The following TARS1 variants were observed in gnomAD, a reference collection of about 807,000 sequenced individuals.
TARS1 encodes threonyl-tRNA synthetase 1.
A neutral mutation model predicts 97.7 loss-of-function variants in TARS1; 57 were observed. That is an observed-to-expected ratio of 0.58 (90% CI 0.47 to 0.73). The LOEUF (loss-of-function observed/expected upper bound fraction) is 0.73. Among genes scored for constraint, TARS1 ranks in the 30% least tolerant of loss-of-function variants. The probability of loss-of-function intolerance (pLI) is 0.00; values close to 1 mark genes in which losing one functional copy is unlikely to be tolerated. For missense variants in TARS1, 806 were observed against 888.3 expected, an observed-to-expected ratio of 0.91 and a Z score of 1.18; for synonymous variants, 312 against 293.7, an observed-to-expected ratio of 1.06 and a Z score of -0.64.
chr5:33,448,867 T>C (rs1029505089), intron 3 of TARS1, 136 bp downstream of exon 3: 2 of 675,982 alleles, frequency 3.0e-6, no homozygotes, highest in Non-Finnish European at 2.2e-6. Flanking sequence ...TTTTGCCTAC[T>C]TGAGATTTTT....
At chr5:33,447,195 C>T (rs901028870) in intron 2 of TARS1, among the ~76,000 whole-genome samples, 1 of 152,068 alleles carries the variant, frequency 6.6e-6, no homozygotes, top group African/African-American at 2.4e-5. Flanking sequence ...ACTGGGCAGA[C>T]AATTAATCTT....
chr5:33,453,244 G>A (rs1225489987), intron 3 of TARS1, 45 bp from the exon 4 acceptor site: 1 of 1,496,982 alleles, frequency 6.7e-7, no homozygotes, highest in Admixed American at 2.4e-5. Context: ...AGATTCGTGT[G>A]TACTTATATA....
At chr5:33,449,445 C>CTTTTTTTTTTTTTTTTTTT (rs57691465) in intron 3 of TARS1, among the ~76,000 whole-genome samples, 1 of 69,146 alleles carries the variant, frequency 1.4e-5, no homozygotes, top group African/African-American at 5.8e-5. Flanking sequence ...TTTTTTCTTT[C>CTTTTTTTTTTTTTTTTTTT]TTTTTTTTTT....
chr5:33,455,133 G>T, intron 5 of TARS1, 67 bp downstream of exon 5: 1 of 1,582,908 alleles, frequency 6.3e-7, no homozygotes. Context: ...ATTCTTAAGA[G>T]TTCTCAGTAA....
intron 8 of TARS1, 61 bp downstream of exon 8, chr5:33,456,288 C>T: frequency 7.7e-7 from 1 of 1,303,938 alleles, no homozygotes. Flanking sequence ...TATGTTTAAA[C>T]TTTCACTGAT....
intron 3 of TARS1, 117 bp from the exon 4 acceptor site, chr5:33,453,172 A>G (rs1741828729): frequency 1.7e-6 from 2 of 1,204,504 alleles, no homozygotes; most frequent in South Asian, 2.5e-5. Context: ...AAAAATAGAG[A>G]TACATCAATA....
Position 33,459,730 on chromosome 5 carries a change from C to T in TARS1, c.1119C>T (p.Val373=), listed in dbSNP as rs1356279436. 1 of 1,614,136 alleles carries T rather than the reference C, an allele frequency of 6.2e-7. No individual in the cohort carries two copies. The highest frequency in any genetic ancestry group is 1.3e-5 in the African/African-American group (1 of 75,020). ...GGAAAAGAGGATTCCAGGAGGTAGTCACCCCAAACATCTTCAACAGCCGAC... is the reference window on the plus strand; with the variant it reads ...GGAAAAGAGGATTCCAGGAGGTAGTTACCCCAAACATCTTCAACAGCCGAC... ...EYRKRGFQEV[V]TPNIFNSRLW... is the part of the protein sequence containing the mutation. The change falls in exon 11 of 19, where the codon GTC becomes GTT. Residue 373 remains valine (V), a synonymous_variant. Coordinates refer to ENST00000265112, the MANE Select transcript of TARS1 (RefSeq NM_152295.5).
In TARS1 at chr5:33,467,958, C is replaced by T. The variant is rs1742625221; in HGVS notation, c.*250C>T. 5.5e-6 allele frequency: 2 copies of T among 360,784 alleles called. No homozygotes were observed. The highest frequency in any genetic ancestry group is 4.6e-5 in the Admixed American group (1 of 21,694). 22.3% of individuals were successfully genotyped at this position (360,784 alleles called of 1,614,324 possible). On this transcript the variant is annotated 3_prime_UTR_variant, in exon 19 of 19. Transcript: ENST00000265112. ...CAGTATCTGAGTACTGGAAGTGAAA[C>T]ATGAGGAATGCTTTAGTGTAATGTG...
rs1439126095 is a variant in TARS1, at chr5:33,456,170, C to A, written c.780C>A (p.Leu260=). 5 of 1,614,016 alleles carry A rather than the reference C, an allele frequency of 3.1e-6. No homozygotes were observed. The highest frequency in any genetic ancestry group is 4.2e-6 in the Non-Finnish European group (5 of 1,179,970). The change falls in exon 8 of 19, where the codon CTC becomes CTA. Residue 260 remains leucine (L), a synonymous_variant. Coordinates refer to ENST00000265112, the MANE Select transcript of TARS1 (RefSeq NM_152295.5). ...TVYRCGPLID[L]CRGPHVRHTG... is the part of the protein sequence containing the mutation. ...TTAGATGTGGCCCTTTGATAGATCTCTGCCGGGGTCCTCATGTTAGACACA... is the reference window on the plus strand; with the variant it reads ...TTAGATGTGGCCCTTTGATAGATCTATGCCGGGGTCCTCATGTTAGACACA...
chr5:33,462,362 A>G (rs928302305), intron 16 of TARS1, among the ~76,000 whole-genome samples, 159 bp downstream of exon 16: 1 of 152,246 alleles, frequency 6.6e-6, no homozygotes, highest in African/African-American at 2.4e-5. Context: ...ATCACAATCT[A>G]AACACAAACT....
intron 1 of TARS1, among the ~76,000 whole-genome samples, chr5:33,444,078 G>T (rs1329354059): frequency 6.6e-6 from 1 of 152,118 alleles, no homozygotes; most frequent in African/African-American, 2.4e-5. Context: ...TAATAAAAAG[G>T]TACAATGACA....
Position 33,450,297 on chromosome 5 carries a change from G to A in TARS1, c.329+1566G>A, listed in dbSNP as rs147972173. Among the ~76,000 whole-genome samples the A allele has an allele frequency of 7.1e-3, 1,083 of 152,296 alleles. 5 individuals carry two copies. Among genetic ancestry groups the A allele is most frequent in the Non-Finnish European group, 0.011 (717 of 68,024 alleles). On this transcript the variant is annotated intron_variant, in intron 3 of 18. Transcript: ENST00000265112. ...CATGTGGTTGATTATCATCAATTTT[G>A]TATTGTTGAACCAAACACGTAAAAG...
At chr5:33,440,795 T>A (rs555588185), upstream of TARS1, 12 of 528,860 alleles carry the variant, frequency 2.3e-5, no homozygotes, top group Admixed American at 6.7e-5. Context: ...AGAGTAGGCA[T>A]GTAGCTTCTG....
intron 9 of TARS1, among the ~76,000 whole-genome samples, chr5:33,458,054 TG>T (rs1742113628): frequency 6.6e-6 from 1 of 152,122 alleles, no homozygotes; most frequent in South Asian, 2.1e-4. Flanking sequence ...TTTGGGCACT[TG>T]GGGAGGCGGA....
chr5:33,455,632 G>GA lies in TARS1; in HGVS notation c.625dup (p.Ile209AsnfsTer3). The GA allele has an allele frequency of 6.2e-7, 1 of 1,612,888 alleles. No homozygotes were observed. The highest frequency in any genetic ancestry group is 8.5e-7 in the Non-Finnish European group (1 of 1,179,230). Reference sequence around the variant, plus strand: ...TCTCTTCTCTGGAGGCTTTGTGTAAGAAAATCATTAAAGAAAAACAAGCTT... The same window carrying GA: ...TCTCTTCTCTGGAGGCTTTGTGTAAGAAAAATCATTAAAGAAAAACAAGCTT... On this transcript the variant is annotated frameshift_variant, in exon 6 of 19. Coordinates refer to ENST00000265112, the MANE Select transcript of TARS1 (RefSeq NM_152295.5). LOFTEE classifies it high-confidence loss of function.
intron 5 of TARS1, 52 bp from the exon 6 acceptor site, chr5:33,455,535 G>A: frequency 8.2e-7 from 1 of 1,226,836 alleles, no homozygotes. Flanking sequence ...ATTTTTCGAA[G>A]CCATGGTGTG....
At chr5:33,444,021 G>A (rs563329037) in intron 1 of TARS1, among the ~76,000 whole-genome samples, 104 of 152,158 alleles carry the variant, frequency 6.8e-4, no homozygotes, top group African/African-American at 2.2e-3. Flanking sequence ...TGGCCAAAAT[G>A]TCCATCAACT....
At chr5:33,458,807 A>T (rs1742154141) in intron 10 of TARS1, 143 bp downstream of exon 10, 2 of 686,810 alleles carry the variant, frequency 2.9e-6, no homozygotes, top group African/African-American at 3.7e-5. Flanking sequence ...GTGGCCTCAT[A>T]AATCATCCCT....
At chr5:33,452,672 C>A (rs1269684675) in intron 3 of TARS1, among the ~76,000 whole-genome samples, 1 of 152,074 alleles carries the variant, frequency 6.6e-6, no homozygotes, top group Non-Finnish European at 1.5e-5. Flanking sequence ...TTATCATAGG[C>A]ATTTGCAGAA....
Sources: allele counts gnomAD v4.1 joint callset (sites outside exome capture counted in the v4.1 genomes callset), GRCh38; gene constraint gnomAD v4.1.1; transcripts MANE v1.5; gene names NCBI Gene and HGNC (gene_info 2026-07-23, HGNC 2026-07-21).